Variants in RHOD observed in about 807,000 individuals in gnomAD.
RHOD encodes rho-related GTP-binding protein RhoD.
In RHOD, 11 loss-of-function variants were observed where a neutral mutation model predicts 16.7. That is an observed-to-expected ratio of 0.66 (90% CI 0.41 to 1.09). The LOEUF (loss-of-function observed/expected upper bound fraction) is 1.09. Ranked by LOEUF, RHOD falls within the 50% of genes least tolerant of loss-of-function variation. The probability of loss-of-function intolerance (pLI) is 0.00; values close to 1 mark genes in which losing one functional copy is unlikely to be tolerated. For missense variants in RHOD, 271 were observed against 291.7 expected, an observed-to-expected ratio of 0.93 and a Z score of 0.52; for synonymous variants, 124 against 126.3, an observed-to-expected ratio of 0.98 and a Z score of 0.12.
At chr11:67,061,177 A>G (rs1437628842) in intron 1 of RHOD, among the ~76,000 whole-genome samples, 1 of 152,120 alleles carries the variant, frequency 6.6e-6, no homozygotes, top group Non-Finnish European at 1.5e-5. Flanking sequence ...GAAGCACCAC[A>G]CTTTTAAACC....
At chr11:67,064,180 G>T (rs1038439814) in intron 1 of RHOD, among the ~76,000 whole-genome samples, 13 of 150,582 alleles carry the variant, frequency 8.6e-5, no homozygotes, top group Non-Finnish European at 1.5e-4. Context: ...GCCGAGGCGG[G>T]TGGATCACGA....
rs1855033939 is a variant in RHOD, at chr11:67,071,693, C to T, written c.*91C>T. The T allele has an allele frequency of 2.3e-6, 3 of 1,295,400 alleles. No homozygotes were observed. The highest frequency in any genetic ancestry group is 3.1e-6 in the Non-Finnish European group (3 of 966,694). The allele number at this position is 1,295,400 out of a possible 1,614,324, so 80.2% of individuals were successfully genotyped here. ...GCTGGACCCGGTCCCTAGGCTGTGACCGCCGAACTCCACTGCAACAGACGG... is the reference window on the plus strand; with the variant it reads ...GCTGGACCCGGTCCCTAGGCTGTGATCGCCGAACTCCACTGCAACAGACGG... On this transcript the variant is annotated 3_prime_UTR_variant, in exon 5 of 5. Coordinates refer to ENST00000308831, the MANE Select transcript of RHOD (RefSeq NM_014578.4).
At chr11:67,064,419 A>G (rs1229171417) in intron 1 of RHOD, among the ~76,000 whole-genome samples, 1 of 151,058 alleles carries the variant, frequency 6.6e-6, no homozygotes, top group Admixed American at 6.6e-5. Flanking sequence ...AAAAAAAAAA[A>G]GGAAAAAGAG....
intron 1 of RHOD, among the ~76,000 whole-genome samples, chr11:67,061,774 ATG>A (rs1322208987): frequency 4.4e-5 from 6 of 136,436 alleles, no homozygotes; most frequent in Admixed American, 7.6e-5. Flanking sequence ...ATATATATAT[ATG>A]TGTGTGTGTG....
Position 67,066,785 on chromosome 11 carries a change from A to G in RHOD, c.268A>G (p.Ser90Gly), listed in dbSNP as rs764213930. Residue 90 changes from serine to glycine, a missense_variant, in exon 3 of 5, where the codon AGC becomes GGC. By Grantham distance (56) the Ser-to-Gly change is moderately conservative. Transcript: ENST00000308831. ...RLRPLFYPDA[S>G]VLLLCFDVTS... Reference sequence around the variant, plus strand: ...GCGGCCCCTGTTCTACCCTGACGCCAGCGTCCTGCTGCTTTGCTTCGATGT... The same window carrying G: ...GCGGCCCCTGTTCTACCCTGACGCCGGCGTCCTGCTGCTTTGCTTCGATGT... 1.2e-5 allele frequency: 20 copies of G among 1,613,944 alleles called. No individual in the cohort carries two copies. Among genetic ancestry groups the G allele is most frequent in the Admixed American group, 1.7e-5 (1 of 60,002 alleles).
intron 2 of RHOD, 29 bp downstream of exon 2, chr11:67,066,012 G>GGT: frequency 3.4e-6 from 2 of 581,426 alleles, no homozygotes; most frequent in East Asian, 4.3e-5. Flanking sequence ...GGCAGGGTGG[G>GGT]AGGGGCTTCT....
intron 3 of RHOD, among the ~76,000 whole-genome samples, chr11:67,067,901 A>G (rs7129017): frequency 0.62 from 93,865 of 151,972 alleles, 30,471 homozygotes; most frequent in African/African-American, 0.82. Flanking sequence ...CCAGGTTGAT[A>G]CCATTCTCCT....
intron 1 of RHOD, 92 bp from the exon 2 acceptor site, chr11:67,065,804 C>A: frequency 1.3e-6 from 1 of 791,602 alleles, no homozygotes; most frequent in Non-Finnish European, 2.1e-6. Context: ...GCTCCACTGA[C>A]CCCCAAGGAG....
intron 2 of RHOD, 24 bp downstream of exon 2, chr11:67,066,007 G>A: frequency 7.0e-7 from 1 of 1,424,166 alleles, no homozygotes. Context: ...GGTGGGGCAG[G>A]GTGGGAGGGG....
intron 1 of RHOD, among the ~76,000 whole-genome samples, chr11:67,061,449 A>G (rs1854885661): frequency 6.6e-6 from 1 of 152,080 alleles, no homozygotes; most frequent in Non-Finnish European, 1.5e-5. Flanking sequence ...CCTGACCAAC[A>G]TGGAGAAACC....
intron 3 of RHOD, among the ~76,000 whole-genome samples, chr11:67,068,541 G>A (rs2136249213): frequency 6.6e-6 from 1 of 152,292 alleles, no homozygotes; most frequent in African/African-American, 2.4e-5. Context: ...GCCGGGTGCG[G>A]TAGCTCACGC....
At position 67,065,969 on chromosome 11, in the gene RHOD, T is replaced by C; in HGVS notation, c.206T>C (p.Ile69Thr). ...QVKGKPVHLH[I>T]WDTAGQDDYD... ...AAAGGCAAACCTGTGCACCTCCACA[T>C]CTGGGACACAGCAGGTGGGTGTGCA... The change falls in exon 2 of 5, where the codon ATC becomes ACC. Residue 69 changes from isoleucine (I) to threonine (T), a missense_variant. Physicochemically the swap from Ile to Thr is moderately conservative, Grantham distance 89. Coordinates refer to ENST00000308831, the MANE Select transcript of RHOD (RefSeq NM_014578.4). The C allele has an allele frequency of 6.4e-7, 1 of 1,561,888 alleles. No homozygotes were observed.
Position 67,070,422 on chromosome 11 carries a change from C to A in RHOD, c.331-3C>A. On this transcript the variant is annotated splice_polypyrimidine_tract_variant and splice_region_variant and intron_variant, in intron 3 of 4. Coordinates refer to ENST00000308831, the MANE Select transcript of RHOD (RefSeq NM_014578.4). ...CCCCACATGCCCCCTCGCCCCCCTGCAGTGGTACCCAGAAGTGAATCATTT... is the reference window on the plus strand; with the variant it reads ...CCCCACATGCCCCCTCGCCCCCCTGAAGTGGTACCCAGAAGTGAATCATTT... The A allele has an allele frequency of 6.2e-7, 1 of 1,613,922 alleles. No homozygotes were observed.
Position 67,056,960 on chromosome 11 carries a change from G to C in RHOD, c.58G>C (p.Val20Leu), listed in dbSNP as rs200476033. Residue 20 changes from valine (V) to leucine (L), a missense_variant, in exon 1 of 5, where the codon GTG (valine) becomes CTG (leucine). Coordinates refer to ENST00000308831, the MANE Select transcript of RHOD (RefSeq NM_014578.4). ...EAPPGVRSVK[V>L]VLVGDGGCGK... ...GCCACCAGGCGTGCGGTCCGTCAAG[G>C]TGGTCCTGGTGGGCGACGGCGGCTG... 41 of 1,500,340 alleles carry C rather than the reference G, an allele frequency of 2.7e-5. 1 individual carries two copies. In the Admixed American group the frequency reaches 7.9e-4, roughly 29 times the overall value. The allele number at this position is 1,500,340 out of a possible 1,614,324, so 92.9% of individuals were successfully genotyped here.
chr11:67,065,461 A>G (rs533862760), intron 1 of RHOD, among the ~76,000 whole-genome samples: 1 of 151,770 alleles, frequency 6.6e-6, no homozygotes, highest in Admixed American at 6.6e-5. Context: ...TCTCACTGCA[A>G]CCTCAGTCCC....
chr11:67,064,437 A>G (rs1854934731), intron 1 of RHOD, among the ~76,000 whole-genome samples: 1 of 151,824 alleles, frequency 6.6e-6, no homozygotes, highest in South Asian at 2.1e-4. Context: ...GAGAAGGAAA[A>G]AAAACGGTAG....
rs985097346 is a variant in RHOD, at chr11:67,070,638, G to A, written c.465+79G>A. 1.8e-5 allele frequency: 28 copies of A among 1,566,866 alleles called. No homozygotes were observed. In the South Asian group the frequency reaches 2.7e-4, roughly 15 times the overall value. On this transcript the variant is annotated intron_variant, in intron 4 of 4. Coordinates refer to ENST00000308831, the MANE Select transcript of RHOD (RefSeq NM_014578.4). ...TGGATGCCTCTCAGTGGCACCAGGTGTCCAGAACGCTCAGGGTGTAGGTCA... is the reference window on the plus strand; with the variant it reads ...TGGATGCCTCTCAGTGGCACCAGGTATCCAGAACGCTCAGGGTGTAGGTCA...
rs1361913662 is a variant in RHOD at position 67,065,811 on chromosome 11, G to A, written c.133-85G>A. The A allele has an allele frequency of 8.2e-6, 7 of 855,568 alleles. No homozygotes were observed. In the African/African-American group the frequency reaches 1.2e-4, roughly 14 times the overall value. 53.0% of individuals were successfully genotyped at this position (855,568 alleles called of 1,614,324 possible). ...ACAACTACGCTCCACTGACCCCCAAGGAGGGAGCAGCGCTGTGGACAGACC... is the reference window on the plus strand; with the variant it reads ...ACAACTACGCTCCACTGACCCCCAAAGAGGGAGCAGCGCTGTGGACAGACC... On this transcript the variant is annotated intron_variant, in intron 1 of 4. Coordinates refer to ENST00000308831, the MANE Select transcript of RHOD (RefSeq NM_014578.4).
Position 67,066,858 on chromosome 11 carries a change from G to A in RHOD, c.330+11G>A, listed in dbSNP as rs1170579989. The A allele has an allele frequency of 6.3e-7, 1 of 1,583,536 alleles. No individual in the cohort carries two copies. The highest frequency in any genetic ancestry group is 8.7e-7 in the Non-Finnish European group (1 of 1,152,370). ...AACATCTTTAACCGGGTAGGTACTGGGGGGCAGGGAGGCATAGCCCCCATA... is the reference window on the plus strand; with the variant it reads ...AACATCTTTAACCGGGTAGGTACTGAGGGGCAGGGAGGCATAGCCCCCATA... On this transcript the variant is annotated intron_variant, in intron 3 of 4. Coordinates refer to ENST00000308831, the MANE Select transcript of RHOD (RefSeq NM_014578.4).
Sources: allele counts gnomAD v4.1 joint callset (sites outside exome capture counted in the v4.1 genomes callset), GRCh38; gene constraint gnomAD v4.1.1; transcripts MANE v1.5; gene names NCBI Gene and HGNC (gene_info 2026-07-23, HGNC 2026-07-21).